The following ERBB4 variants were observed in gnomAD, a reference collection of about 807,000 sequenced individuals.
ERBB4 encodes the protein receptor tyrosine-protein kinase erbB-4.
ERBB4 carries 42 observed loss-of-function variants against 158.0 expected under a neutral mutation model. That is an observed-to-expected ratio of 0.27 (90% CI 0.21 to 0.34). The LOEUF (loss-of-function observed/expected upper bound fraction) is 0.34. Among genes scored for constraint, ERBB4 ranks in the 10% least tolerant of loss-of-function variants. ERBB4 has a pLI of 1.00. For missense variants in ERBB4, 1,333 were observed against 1,624.1 expected (o/e 0.82, Z 3.08); for synonymous variants, 583 against 558.7 (o/e 1.04, Z -0.61).
intron 3 of ERBB4, among the ~76,000 whole-genome samples, chr2:211,897,914 G>T (rs1438232928): frequency 6.6e-6 from 1 of 151,596 alleles, no homozygotes; most frequent in Non-Finnish European, 1.5e-5. Flanking sequence ...ACACAACAGT[G>T]CCCGGTTAAT....
intron 3 of ERBB4, among the ~76,000 whole-genome samples, chr2:211,932,928 G>T (rs1244177503): frequency 6.6e-6 from 1 of 151,976 alleles, no homozygotes; most frequent in Non-Finnish European, 1.5e-5. Flanking sequence ...TGAACCAAAA[G>T]TAACAGAAGT....
chr2:211,410,970 G>A (rs972532544), intron 25 of ERBB4, among the ~76,000 whole-genome samples: 11 of 152,170 alleles, frequency 7.2e-5, no homozygotes, highest in South Asian at 2.1e-4. Flanking sequence ...GTACAGTGGC[G>A]TGATCTCGGC....
chr2:211,715,814 C>A (rs1001018098), intron 7 of ERBB4, among the ~76,000 whole-genome samples: 1 of 152,176 alleles, frequency 6.6e-6, no homozygotes, highest in Non-Finnish European at 1.5e-5. Flanking sequence ...CATGAGCCAA[C>A]TGTACCTCTT....
intron 1 of ERBB4, among the ~76,000 whole-genome samples, chr2:212,532,495 C>T (rs78232065): frequency 3.6e-5 from 1 of 27,752 alleles, no homozygotes; most frequent in African/African-American, 8.9e-4. Context: ...AACCAATAAA[C>T]TTTTTTTCTA....
intron 20 of ERBB4, among the ~76,000 whole-genome samples, chr2:211,431,317 G>T (rs2063744453): frequency 6.6e-6 from 1 of 152,132 alleles, no homozygotes; most frequent in South Asian, 2.1e-4. Flanking sequence ...TGAGATGAAA[G>T]AATTACTTTC....
chr2:212,331,391 G>C (rs2088162949), intron 1 of ERBB4, among the ~76,000 whole-genome samples: 1 of 151,320 alleles, frequency 6.6e-6, no homozygotes, highest in South Asian at 2.1e-4. Context: ...TTCTGTGTTG[G>C]GGGAATCTCG....
chr2:212,297,025 G>A (rs2106196527), intron 1 of ERBB4, among the ~76,000 whole-genome samples: 1 of 151,930 alleles, frequency 6.6e-6, no homozygotes, highest in Non-Finnish European at 1.5e-5. Flanking sequence ...ATAACTCGAG[G>A]TTAAACTCTC....
intron 19 of ERBB4, among the ~76,000 whole-genome samples, chr2:211,562,934 G>T (rs865855305): frequency 6.6e-6 from 1 of 151,774 alleles, no homozygotes; most frequent in Non-Finnish European, 1.5e-5. Flanking sequence ...ACTACGCCCG[G>T]CTAATGTTTT....
intron 2 of ERBB4, among the ~76,000 whole-genome samples, chr2:212,019,811 G>A (rs985309912): frequency 1.3e-5 from 2 of 149,552 alleles, no homozygotes; most frequent in Admixed American, 6.7e-5. Context: ...AAGAATGGAA[G>A]GAAGGAAGGG....
At chr2:212,191,807 AATAC>A (rs1471928893) in intron 1 of ERBB4, among the ~76,000 whole-genome samples, 1 of 137,226 alleles carries the variant, frequency 7.3e-6, no homozygotes, top group African/African-American at 2.6e-5. Flanking sequence ...TGTTATATAT[AATAC>A]ATGTTATATA....
chr2:212,246,473 T>C (rs7609230), intron 1 of ERBB4, among the ~76,000 whole-genome samples: 149,448 of 152,292 alleles, frequency 0.98, 73,405 homozygotes, highest in Middle Eastern at 1. Flanking sequence ...GTATTGAATA[T>C]AATTAAATGA....
intron 20 of ERBB4, among the ~76,000 whole-genome samples, chr2:211,461,648 T>C (rs568556193): frequency 7.9e-4 from 120 of 152,108 alleles, no homozygotes; most frequent in African/African-American, 2.6e-3. Context: ...GAAAGAAACA[T>C]AGACACTAAG....
At chr2:211,505,694 C>T (rs1179911445) in intron 20 of ERBB4, among the ~76,000 whole-genome samples, 2 of 152,140 alleles carry the variant, frequency 1.3e-5, no homozygotes. Flanking sequence ...GGCATGGTGG[C>T]TCACGCCTGT....
intron 25 of ERBB4, among the ~76,000 whole-genome samples, chr2:211,395,390 C>G (rs182782964): frequency 1.2e-4 from 19 of 152,086 alleles, no homozygotes; most frequent in Admixed American, 1.1e-3. Context: ...AACAAGATTC[C>G]CTGAGTTCCC....
At chr2:211,439,536 C>T (rs1458477360) in intron 20 of ERBB4, among the ~76,000 whole-genome samples, 1 of 152,148 alleles carries the variant, frequency 6.6e-6, no homozygotes. Flanking sequence ...TGTATATGGT[C>T]ATATAGCATA....
intron 3 of ERBB4, among the ~76,000 whole-genome samples, chr2:211,932,725 A>G (rs2080211309): frequency 6.6e-6 from 1 of 151,904 alleles, no homozygotes; most frequent in African/African-American, 2.4e-5. Flanking sequence ...CCAAAGGAAA[A>G]TGTTTCAAAG....
chr2:212,219,314 T>A (rs551793205), intron 1 of ERBB4, among the ~76,000 whole-genome samples: 1 of 151,600 alleles, frequency 6.6e-6, no homozygotes, highest in African/African-American at 2.4e-5. Flanking sequence ...TTGTATAATG[T>A]CTTTTTATAG....
At chr2:211,511,307 G>A (rs2065879449) in intron 20 of ERBB4, among the ~76,000 whole-genome samples, 1 of 151,818 alleles carries the variant, frequency 6.6e-6, no homozygotes, top group South Asian at 2.1e-4. Context: ...CTAATTATAG[G>A]TAATGTGATT....
At chr2:212,444,699 C>T (rs912879651) in intron 1 of ERBB4, among the ~76,000 whole-genome samples, 14 of 152,260 alleles carry the variant, frequency 9.2e-5, no homozygotes, top group African/African-American at 2.9e-4. Context: ...GGAGGTTATG[C>T]ATGGGCTCAA....
Sources: allele counts gnomAD v4.1 joint callset (sites outside exome capture counted in the v4.1 genomes callset), GRCh38; gene constraint gnomAD v4.1.1; transcripts MANE v1.5; gene names NCBI Gene and HGNC (gene_info 2026-07-23, HGNC 2026-07-21).